The following HDAC9 variants were observed in gnomAD, a reference collection of about 807,000 sequenced individuals.
HDAC9 encodes the protein MEF-2 interacting transcription repressor (MITR) protein.
Under a neutral mutation model 139.4 loss-of-function variants are expected in HDAC9, and 41 were observed. The ratio of observed to expected loss-of-function variants is 0.29; its 90% confidence interval spans 0.23 to 0.38. HDAC9 has a LOEUF of 0.38. HDAC9 is among the 10% of genes least tolerant of loss of function. HDAC9 has a pLI of 1.00. For missense variants in HDAC9, 1,147 were observed against 1,297.0 expected (o/e 0.88, Z 1.78); for synonymous variants, 517 against 476.2 (o/e 1.09, Z -1.12).
At chr7:18,829,259 C>G in intron 18 of HDAC9, 43 bp downstream of exon 18, 1 of 1,497,922 alleles carries the variant, frequency 6.7e-7, no homozygotes, top group Non-Finnish European at 9.3e-7. Flanking sequence ...CACCACGGTT[C>G]CTGGCGGTCA....
At chr7:18,297,367 T>A (rs1364607933) in intron 1 of HDAC9, among the ~76,000 whole-genome samples, 1 of 152,166 alleles carries the variant, frequency 6.6e-6, no homozygotes, top group Non-Finnish European at 1.5e-5. Flanking sequence ...GTAATTGTGG[T>A]TTTTGCCATT....
At chr7:18,946,554 A>C (rs1371675495) in intron 23 of HDAC9, among the ~76,000 whole-genome samples, 1 of 152,144 alleles carries the variant, frequency 6.6e-6, no homozygotes, top group Non-Finnish European at 1.5e-5. Context: ...AAGAAAAAAG[A>C]GAAAATAGAG....
At chr7:18,654,833 G>A (rs1410024886) in intron 11 of HDAC9, among the ~76,000 whole-genome samples, 1 of 152,132 alleles carries the variant, frequency 6.6e-6, no homozygotes, top group Non-Finnish European at 1.5e-5. Context: ...CCTCCTTCAA[G>A]TTACTCACTT....
chr7:18,348,739 A>G (rs1240265857), intron 1 of HDAC9, among the ~76,000 whole-genome samples: 1 of 152,130 alleles, frequency 6.6e-6, no homozygotes, highest in Admixed American at 6.6e-5. Flanking sequence ...CCCTTTTAAA[A>G]TTGGTGTATT....
At chr7:18,961,434 C>T (rs1392223750) in intron 24 of HDAC9, among the ~76,000 whole-genome samples, 1 of 151,788 alleles carries the variant, frequency 6.6e-6, no homozygotes, top group African/African-American at 2.4e-5. Flanking sequence ...TCAGCTCCCA[C>T]GATAGGAAAT....
At chr7:18,361,360 C>G (rs371245394) in intron 1 of HDAC9, among the ~76,000 whole-genome samples, 4 of 152,178 alleles carry the variant, frequency 2.6e-5, no homozygotes, top group Admixed American at 2.6e-4. Context: ...ACACCTCTCT[C>G]CTGAAGTTAC....
chr7:18,437,408 G>A (rs368133067), intron 1 of HDAC9, among the ~76,000 whole-genome samples: 1 of 151,912 alleles, frequency 6.6e-6, no homozygotes, highest in African/African-American at 2.4e-5. Flanking sequence ...TCAAGCCTTT[G>A]CATCTTTATG....
chr7:18,124,709 A>G (rs1167689880), intron 1 of HDAC9, among the ~76,000 whole-genome samples: 1 of 152,052 alleles, frequency 6.6e-6, no homozygotes, highest in Non-Finnish European at 1.5e-5. Flanking sequence ...TTTATTTAAG[A>G]ATCCAAGAGA....
At chr7:18,879,376 A>G (rs1799555410) in intron 22 of HDAC9, among the ~76,000 whole-genome samples, 1 of 152,196 alleles carries the variant, frequency 6.6e-6, no homozygotes, top group African/African-American at 2.4e-5. Context: ...CGAAAAGAGC[A>G]TAGCTGGAGG....
In HDAC9 at chr7:18,635,474, A is replaced by T. The variant is rs1030253705; in HGVS notation, c.912+732A>T. Among the ~76,000 whole-genome samples, 9 of 152,050 alleles carry T rather than the reference A, an allele frequency of 5.9e-5. No homozygotes were observed. In the East Asian group the frequency reaches 1.7e-3, roughly 30 times the overall value. On this transcript the variant is annotated intron_variant, in intron 8 of 25. Coordinates refer to ENST00000686413, the MANE Select transcript of HDAC9 (RefSeq NM_178425.4). ...AACACATGATTTAGTGTAACCAATG[A>T]TACAAGACTAAGAGGAAAGTTAATG... is the stretch of plus-strand genomic sequence containing the variant.
intron 6 of HDAC9, among the ~76,000 whole-genome samples, chr7:18,621,063 G>T (rs574581471): frequency 6.6e-6 from 1 of 152,198 alleles, no homozygotes; most frequent in South Asian, 2.1e-4. Flanking sequence ...ACATGTAAGT[G>T]TGGATATATA....
chr7:18,296,513 C>T (rs1006225951), intron 1 of HDAC9, among the ~76,000 whole-genome samples: 26 of 151,986 alleles, frequency 1.7e-4, no homozygotes, highest in African/African-American at 5.1e-4. Context: ...ATCAATAAAA[C>T]CTCCTTTGTG....
At chr7:18,672,710 T>G (rs1196905749) in intron 12 of HDAC9, among the ~76,000 whole-genome samples, 2 of 152,062 alleles carry the variant, frequency 1.3e-5, no homozygotes, top group African/African-American at 2.4e-5. Context: ...ATTAGGTCTT[T>G]GATCCATTTT....
chr7:18,340,947 T>G (rs1030007684), intron 1 of HDAC9, among the ~76,000 whole-genome samples: 5 of 151,506 alleles, frequency 3.3e-5, no homozygotes, highest in Non-Finnish European at 7.4e-5. Flanking sequence ...TTTGAAGAAG[T>G]CTTTTCCATT....
At chr7:18,382,926 TACAC>T (rs1252311687) in intron 1 of HDAC9, among the ~76,000 whole-genome samples, 1 of 152,146 alleles carries the variant, frequency 6.6e-6, no homozygotes, top group Non-Finnish European at 1.5e-5. Context: ...AATACAAATA[TACAC>T]ACACACATAT....
intron 1 of HDAC9, among the ~76,000 whole-genome samples, chr7:18,133,589 A>G (rs978593766): frequency 6.6e-6 from 1 of 152,170 alleles, no homozygotes; most frequent in Non-Finnish European, 1.5e-5. Context: ...TATTCAGCAG[A>G]TATGAACGTT....
At chr7:18,567,750 T>C (rs1036230179) in intron 2 of HDAC9, among the ~76,000 whole-genome samples, 3 of 152,110 alleles carry the variant, frequency 2.0e-5, no homozygotes, top group Non-Finnish European at 4.4e-5. Context: ...AAAATTTCTG[T>C]AGTGGTTTGA....
chr7:18,673,035 T>C (rs1240640610), intron 12 of HDAC9, among the ~76,000 whole-genome samples: 1 of 152,028 alleles, frequency 6.6e-6, no homozygotes, highest in African/African-American at 2.4e-5. Flanking sequence ...TTTCTGGTGC[T>C]CTTTAAAAAT....
intron 8 of HDAC9, among the ~76,000 whole-genome samples, chr7:18,640,357 T>TAAAA (rs56655676): frequency 1.5e-5 from 1 of 66,080 alleles, no homozygotes. Context: ...GATCCTGTCT[T>TAAAA]AAAAAAAAAA....
Sources: allele counts gnomAD v4.1 joint callset (sites outside exome capture counted in the v4.1 genomes callset), GRCh38; gene constraint gnomAD v4.1.1; transcripts MANE v1.5; gene names NCBI Gene and HGNC (gene_info 2026-07-23, HGNC 2026-07-21).